The following ERBB4 variants were observed in gnomAD, a reference collection of about 807,000 sequenced individuals.
ERBB4 encodes receptor tyrosine-protein kinase erbB-4.
A neutral mutation model predicts 158.0 loss-of-function variants in ERBB4; 42 were observed. The observed-to-expected ratio is 0.27, with a 90% CI of 0.21 to 0.34. ERBB4 has a LOEUF of 0.34. Among genes scored for constraint, ERBB4 ranks in the 10% least tolerant of loss-of-function variants. The pLI is 1.00. For missense variants in ERBB4, 1,333 were observed against 1,624.1 expected, an observed-to-expected ratio of 0.82 and a Z score of 3.08; for synonymous variants, 583 against 558.7, an observed-to-expected ratio of 1.04 and a Z score of -0.61.
At chr2:212,533,223 C>T (rs1015972458) in intron 1 of ERBB4, among the ~76,000 whole-genome samples, 30 of 152,134 alleles carry the variant, frequency 2.0e-4, no homozygotes, top group Admixed American at 1.0e-3. Context: ...AGAAAGTTTA[C>T]ATTATGTTTC....
intron 1 of ERBB4, among the ~76,000 whole-genome samples, chr2:212,306,105 T>C (rs1328306597): frequency 6.6e-6 from 1 of 151,490 alleles, no homozygotes; most frequent in Non-Finnish European, 1.5e-5. Context: ...AGTTGAATGC[T>C]TTAAAAATAT....
intron 3 of ERBB4, among the ~76,000 whole-genome samples, chr2:211,849,949 T>TA (rs35724059): frequency 0.22 from 33,172 of 151,840 alleles, 3,740 homozygotes; most frequent in South Asian, 0.33. Flanking sequence ...AATCTCAGCT[T>TA]TTAATCTCTT....
intron 1 of ERBB4, among the ~76,000 whole-genome samples, chr2:212,178,778 G>A (rs1032770432): frequency 8.6e-5 from 13 of 151,240 alleles, no homozygotes; most frequent in Non-Finnish European, 1.5e-4. Flanking sequence ...TTGTTTGTTC[G>A]CTTTATGATG....
intron 1 of ERBB4, among the ~76,000 whole-genome samples, chr2:212,133,915 T>C (rs192625392): frequency 1.3e-5 from 2 of 152,304 alleles, no homozygotes; most frequent in Admixed American, 1.3e-4. Flanking sequence ...CTTCATCACT[T>C]TGAGTCTTGG....
At chr2:211,391,515 G>A (rs1383521143) in intron 25 of ERBB4, among the ~76,000 whole-genome samples, 1 of 152,134 alleles carries the variant, frequency 6.6e-6, no homozygotes, top group African/African-American at 2.4e-5. Context: ...ACTGGCAGGT[G>A]ATACTGAGTT....
intron 4 of ERBB4, among the ~76,000 whole-genome samples, chr2:211,761,954 CT>C (rs1472127941): frequency 1.3e-5 from 2 of 152,304 alleles, no homozygotes; most frequent in South Asian, 4.1e-4. Context: ...GGGTAAAGAA[CT>C]TTACCTAAGA....
Position 211,602,587 on chromosome 2 carries a change from G to A in ERBB4, c.2301+16590C>T, listed in dbSNP as rs150164426. ...ACCCCTTCAAGTTGACCTTTCTTAG[G>A]TAATCTCCCTCACCCTTAGGGTACC... On this transcript the variant is annotated intron_variant, in intron 19 of 27. Transcript: ENST00000342788. Among the ~76,000 whole-genome samples the A allele has an allele frequency of 5.9e-5, 9 of 152,072 alleles. No homozygotes were observed. The East Asian group carries it at 1.7e-3, about 30-fold the overall frequency.
intron 1 of ERBB4, among the ~76,000 whole-genome samples, chr2:212,312,220 CCT>C (rs2087077452): frequency 6.6e-6 from 1 of 150,930 alleles, no homozygotes; most frequent in Non-Finnish European, 1.5e-5. Flanking sequence ...AGAAAAAGAC[CCT>C]GTTTATTTGG....
At chr2:211,908,817 T>G (rs73077351) in intron 3 of ERBB4, among the ~76,000 whole-genome samples, 21,528 of 151,626 alleles carry the variant, frequency 0.14, 2,024 homozygotes, top group African/African-American at 0.23. Context: ...TGTTGTAAGA[T>G]CATCCAGAAG....
At chr2:211,861,111 T>A (rs866838640) in intron 3 of ERBB4, among the ~76,000 whole-genome samples, 58 of 21,488 alleles carry the variant, frequency 2.7e-3, no homozygotes, top group Non-Finnish European at 4.1e-3. Flanking sequence ...TTATATATAT[T>A]TATATATATA....
intron 1 of ERBB4, among the ~76,000 whole-genome samples, chr2:212,509,177 TA>T (rs1450789825): frequency 1.3e-5 from 2 of 152,100 alleles, no homozygotes; most frequent in Non-Finnish European, 2.9e-5. Flanking sequence ...TGTAAGTAAT[TA>T]AAAACCCTAC....
In ERBB4 at chr2:212,048,119, C is replaced by T. The variant is rs761417532; in HGVS notation, c.234+76633G>A. ...GAAGATAAAATAGCTATGACAAAGG[C>T]CTTTGGGCAGAAATGGAAAGAGTGC... On this transcript the variant is annotated intron_variant, in intron 2 of 27. Transcript: ENST00000342788. Among the ~76,000 whole-genome samples the T allele has an allele frequency of 2.0e-5, 3 of 152,108 alleles. No individual in the cohort carries two copies. In the East Asian group the frequency reaches 5.8e-4, roughly 29 times the overall value.
At chr2:212,027,465 A>G (rs1403332769) in intron 2 of ERBB4, among the ~76,000 whole-genome samples, 1 of 152,130 alleles carries the variant, frequency 6.6e-6, no homozygotes, top group Non-Finnish European at 1.5e-5. Flanking sequence ...AACCAGATTA[A>G]TATGTTATTT....
chr2:211,580,678 T>C (rs1322073382), intron 19 of ERBB4, among the ~76,000 whole-genome samples: 5 of 149,644 alleles, frequency 3.3e-5, no homozygotes, highest in Non-Finnish European at 5.9e-5. Context: ...GAGGTCATTA[T>C]ATGAAAAAGA....
At chr2:212,274,190 G>C (rs2085444319) in intron 1 of ERBB4, among the ~76,000 whole-genome samples, 1 of 151,766 alleles carries the variant, frequency 6.6e-6, no homozygotes, top group African/African-American at 2.4e-5. Flanking sequence ...TGTCTGAAAG[G>C]TCAGGAAACT....
At chr2:212,211,461 C>T (rs1325025681) in intron 1 of ERBB4, among the ~76,000 whole-genome samples, 1 of 152,010 alleles carries the variant, frequency 6.6e-6, no homozygotes, top group Non-Finnish European at 1.5e-5. Context: ...TTTCTGTGTC[C>T]TTAGTGCTTA....
At chr2:211,661,242 T>G (rs926588705) in intron 15 of ERBB4, among the ~76,000 whole-genome samples, 1 of 152,236 alleles carries the variant, frequency 6.6e-6, no homozygotes, top group African/African-American at 2.4e-5. Flanking sequence ...AAAATATGTA[T>G]ATTGTTTTTC....
rs183513796 is a variant in ERBB4 at position 212,058,740 on chromosome 2, G to A, written c.234+66012C>T. On this transcript the variant is annotated intron_variant, in intron 2 of 27. Coordinates refer to ENST00000342788, the MANE Select transcript of ERBB4 (RefSeq NM_005235.3). ...AAAAGGCCTTTGACAAAATTCAACA[G>A]CCCTTCATGCTAAAAACTCTCAATA... is the stretch of plus-strand genomic sequence containing the variant. 8.7e-4 allele frequency among the ~76,000 whole-genome samples: 133 copies of A among 152,186 alleles called. 2 individuals are homozygous for A. The highest frequency in any genetic ancestry group is 3.0e-3 in the African/African-American group (123 of 41,544).
At chr2:211,618,391 T>A (rs1045280682) in intron 19 of ERBB4, among the ~76,000 whole-genome samples, 6 of 152,006 alleles carry the variant, frequency 3.9e-5, no homozygotes, top group Admixed American at 1.3e-4. Flanking sequence ...TTTGCATTAG[T>A]TTTTGTTTTG....
Sources: allele counts gnomAD v4.1 joint callset (sites outside exome capture counted in the v4.1 genomes callset), GRCh38; gene constraint gnomAD v4.1.1; transcripts MANE v1.5; gene names NCBI Gene and HGNC (gene_info 2026-07-23, HGNC 2026-07-21).